ZNF251: variants seen among roughly 807,000 people sequenced by gnomAD.
ZNF251 encodes zinc finger protein 251.
In ZNF251, 14 loss-of-function variants were observed where a neutral mutation model predicts 13.5. The ratio of observed to expected loss-of-function variants is 1.04; its 90% confidence interval spans 0.69 to 1.63. ZNF251 has a LOEUF of 1.63. Ranked by LOEUF, ZNF251 falls within the 40% of genes most tolerant of loss-of-function variation. The probability of loss-of-function intolerance (pLI) is 0.00; values close to 1 mark genes in which losing one functional copy is unlikely to be tolerated. For missense variants in ZNF251, 764 were observed against 834.9 expected, an observed-to-expected ratio of 0.92 and a Z score of 1.05; for synonymous variants, 287 against 295.2, an observed-to-expected ratio of 0.97 and a Z score of 0.28.
At chr8:144,735,570 G>C (rs1563760869) in intron 4 of ZNF251, among the ~76,000 whole-genome samples, 1 of 151,914 alleles carries the variant, frequency 6.6e-6, no homozygotes, top group Admixed American at 6.6e-5. Flanking sequence ...CCAATCCCAT[G>C]CCCACAAATC....
intron 4 of ZNF251, among the ~76,000 whole-genome samples, chr8:144,725,305 G>A (rs1190129585): frequency 6.6e-6 from 1 of 152,110 alleles, no homozygotes; most frequent in Non-Finnish European, 1.5e-5. Flanking sequence ...GTGAGCCATC[G>A]CACCCGGCCT....
rs750728023 is a variant in ZNF251 at position 144,753,719 on chromosome 8, C to G, written c.241G>C (p.Ala81Pro). 1 of 1,596,994 alleles carries G rather than the reference C, an allele frequency of 6.3e-7. No individual in the cohort carries two copies. Among genetic ancestry groups the G allele is most frequent in the South Asian group, 1.1e-5 (1 of 88,110 alleles). ...CTTTTCAAGATATCTGGTTCCTCAG[C>G]TCCCAGAAGATTCAGGACCCAAAGT... is the stretch of plus-strand genomic sequence containing the variant. Reference protein sequence around the residue: ...KELWVLNLLGAEEPDILKSCQ... With the variant: ...KELWVLNLLGPEEPDILKSCQ... Residue 81 changes from alanine to proline, a missense_variant, in exon 4 of 5, where the codon GCT becomes CCT. Transcript: ENST00000292562.
At chr8:144,735,009 G>C (rs1049313482) in intron 4 of ZNF251, among the ~76,000 whole-genome samples, 1 of 152,004 alleles carries the variant, frequency 6.6e-6, no homozygotes, top group Non-Finnish European at 1.5e-5. Context: ...GGGAGGCAGA[G>C]GTTGCAGTGA....
At chr8:144,741,291 G>C (rs1824154284) in intron 4 of ZNF251, among the ~76,000 whole-genome samples, 1 of 152,216 alleles carries the variant, frequency 6.6e-6, no homozygotes, top group African/African-American at 2.4e-5. Context: ...ACAGCTCGTG[G>C]ATATGCCAGC....
intron 4 of ZNF251, among the ~76,000 whole-genome samples, chr8:144,740,562 G>A (rs1399384522): frequency 1.3e-5 from 2 of 151,390 alleles, no homozygotes; most frequent in African/African-American, 4.9e-5. Flanking sequence ...CTTGAACCTG[G>A]GAGGCAGAAG....
Position 144,755,231 on chromosome 8 carries a change from C to A in ZNF251, c.-76+174G>T, listed in dbSNP as rs1441061448. 3 of 1,180,988 alleles carry A rather than the reference C, an allele frequency of 2.5e-6. No homozygotes were observed. The African/African-American group carries it at 5.0e-5, about 20-fold the overall frequency. The allele number at this position is 1,180,988 out of a possible 1,614,324, so 73.2% of individuals were successfully genotyped here. A position where few individuals can be genotyped will look rare whatever the true frequency, so the allele number is the denominator to read the frequency against. ...AAGCCAGCTGTGGTCCTCAGTCCAG[C>A]CTTCTAGGGCCGCGCCGCGGTCGCC... is the stretch of plus-strand genomic sequence containing the variant. On this transcript the variant is annotated intron_variant, in intron 1 of 4. Transcript: ENST00000292562.
chr8:144,726,733 G>A (rs1399704128), intron 4 of ZNF251, among the ~76,000 whole-genome samples: 3 of 151,958 alleles, frequency 2.0e-5, no homozygotes, highest in South Asian at 2.1e-4. Context: ...AGCCAGGCGC[G>A]GTGGCAGGTG....
chr8:144,743,446 G>A (rs190760398), intron 4 of ZNF251, among the ~76,000 whole-genome samples: 10 of 152,254 alleles, frequency 6.6e-5, no homozygotes, highest in Middle Eastern at 3.4e-3. Flanking sequence ...ACTGAGGAAC[G>A]TCTCAGTTGC....
At position 144,727,825 on chromosome 8, in the gene ZNF251, CTT is replaced by C. The variant is rs1320109696; in HGVS notation, c.278-4445_278-4444del. On this transcript the variant is annotated intron_variant, in intron 4 of 4. Transcript: ENST00000292562. ...GAACTTTACTTTTTACTGTTATTTT[CTT>C]TTTGAGACAGGGTCTCACTCTGTCA... Among the ~76,000 whole-genome samples the C allele has an allele frequency of 2.6e-5, 4 of 152,092 alleles. No homozygotes were observed. In the South Asian group the frequency reaches 8.3e-4, roughly 32 times the overall value.
At chr8:144,735,237 T>A (rs1430758940) in intron 4 of ZNF251, among the ~76,000 whole-genome samples, 1 of 148,652 alleles carries the variant, frequency 6.7e-6, no homozygotes, top group Non-Finnish European at 1.5e-5. Context: ...AATACAAAAA[T>A]TAGCTGGCCA....
chr8:144,742,599 A>T (rs1029166148), intron 4 of ZNF251, among the ~76,000 whole-genome samples: 1 of 151,746 alleles, frequency 6.6e-6, no homozygotes, highest in African/African-American at 2.4e-5. Context: ...GTGCCGCGTG[A>T]TCTATGGGTT....
chr8:144,749,875 CTTTTTTTTCTTTTTT>C (rs1166218131), intron 4 of ZNF251, among the ~76,000 whole-genome samples: 2 of 129,176 alleles, frequency 1.5e-5, no homozygotes, highest in African/African-American at 6.1e-5. Flanking sequence ...TTTTTCTTTT[CTTTTTTTTCTTTTTT>C]TTTTTTTTTT....
Position 144,721,926 on chromosome 8 carries a change from G to C in ZNF251, c.1734C>G (p.Thr578=). The C allele has an allele frequency of 2.6e-6, 4 of 1,515,912 alleles. No individual in the cohort carries two copies. Among genetic ancestry groups the C allele is most frequent in the Non-Finnish European group, 3.5e-6 (4 of 1,131,796 alleles). The allele number at this position is 1,515,912 out of a possible 1,614,324, so 93.9% of individuals were successfully genotyped here. ...TTATCTGATCTTCAGTGGGTCGTGA[G>C]GTGGGACTGAAAGCTTTTCCATATT... is the stretch of plus-strand genomic sequence containing the variant. ...CNEYGKAFSP[T]SRPTEDQIMH... is the part of the protein sequence containing the mutation. Residue 578 remains threonine (T), a synonymous_variant, in exon 5 of 5, where the codon ACC becomes ACG. Transcript: ENST00000292562.
intron 4 of ZNF251, among the ~76,000 whole-genome samples, chr8:144,731,547 G>A (rs200412800): frequency 6.6e-6 from 1 of 151,782 alleles, no homozygotes; most frequent in East Asian, 2.0e-4. Context: ...TGTATTTAAA[G>A]GAAGCGTCCT....
chr8:144,733,922 G>A lies in ZNF251; in HGVS notation c.278-10540C>T, dbSNP rs117598936. 3.7e-3 allele frequency among the ~76,000 whole-genome samples: 562 copies of A among 152,356 alleles called. 1 individual carries two copies. Among genetic ancestry groups the A allele is most frequent in the Middle Eastern group, 0.014 (4 of 294 alleles). On this transcript the variant is annotated intron_variant, in intron 4 of 4. Coordinates refer to ENST00000292562, the MANE Select transcript of ZNF251 (RefSeq NM_138367.2). ...GCTTAGCATGAGATGCTTCAGCTGC[G>A]CCTGGCTGACTAAAATCACCGCCAG...
At chr8:144,732,109 A>AT (rs1039265574) in intron 4 of ZNF251, among the ~76,000 whole-genome samples, 3 of 151,178 alleles carry the variant, frequency 2.0e-5, no homozygotes, top group Non-Finnish European at 4.4e-5. Context: ...CGCCTGGCTA[A>AT]TTTTTTTATT....
In ZNF251 at chr8:144,747,580, T is replaced by C. The variant is rs565918963; in HGVS notation, c.277+6103A>G. Among the ~76,000 whole-genome samples, 168 of 152,374 alleles carry C rather than the reference T, an allele frequency of 1.1e-3. 1 individual carries two copies. The highest frequency in any genetic ancestry group is 3.7e-3 in the African/African-American group (155 of 41,600). ...AGACAGTGAACTCATCTATTTCCCC[T>C]TGTAGTTCTATCAGTTTTCGCATCA... On this transcript the variant is annotated intron_variant, in intron 4 of 4. Transcript: ENST00000292562.
chr8:144,755,390 C>G lies in ZNF251; in HGVS notation c.-76+15G>C. ...TGCCCGCTTGGCGCTCCTTCCTGGTCCGACACTGCCCCACCTGTTTGCTCG... is the reference window on the plus strand; with the variant it reads ...TGCCCGCTTGGCGCTCCTTCCTGGTGCGACACTGCCCCACCTGTTTGCTCG... On this transcript the variant is annotated intron_variant, in intron 1 of 4. Transcript: ENST00000292562. 4 of 1,288,160 alleles carry G rather than the reference C, an allele frequency of 3.1e-6. No homozygotes were observed. Among genetic ancestry groups the G allele is most frequent in the Non-Finnish European group, 4.0e-6 (4 of 988,778 alleles). The allele number at this position is 1,288,160 out of a possible 1,614,324, so 79.8% of individuals were successfully genotyped here.
intron 2 of ZNF251, 74 bp downstream of exon 2, chr8:144,754,622 C>G: frequency 6.5e-7 from 1 of 1,538,058 alleles, no homozygotes; most frequent in Non-Finnish European, 8.7e-7. Context: ...GGGCTCACGG[C>G]TCCAGAGGAG....
Sources: allele counts gnomAD v4.1 joint callset (sites outside exome capture counted in the v4.1 genomes callset), GRCh38; gene constraint gnomAD v4.1.1; transcripts MANE v1.5; gene names NCBI Gene and HGNC (gene_info 2026-07-23, HGNC 2026-07-21).